Variants in LEPR observed in about 807,000 individuals in gnomAD.
LEPR encodes OB receptor.
In LEPR, 56 loss-of-function variants were observed where a neutral mutation model predicts 114.7. The ratio of observed to expected loss-of-function variants is 0.49; its 90% CI spans 0.39 to 0.61. LEPR has a LOEUF of 0.61. Among genes scored for constraint, LEPR ranks in the 20% least tolerant of loss-of-function variants. LEPR has a pLI of 0.00. For missense variants in LEPR, 1,202 were observed against 1,352.9 expected (o/e 0.89, Z 1.75); for synonymous variants, 443 against 461.4 (o/e 0.96, Z 0.51).
At chr1:65,570,402 C>T in intron 3 of LEPR, 71 bp from the exon 4 acceptor site, 1 of 1,449,862 alleles carries the variant, frequency 6.9e-7, no homozygotes, top group Non-Finnish European at 9.5e-7. Context: ...GGTTTAATCT[C>T]AGATACTTTC....
At chr1:65,590,836 T>C (rs1350232343) in intron 5 of LEPR, among the ~76,000 whole-genome samples, 3 of 151,966 alleles carry the variant, frequency 2.0e-5, no homozygotes, top group African/African-American at 7.2e-5. Flanking sequence ...ATATTCTGAT[T>C]TGATATTTAT....
intron 2 of LEPR, among the ~76,000 whole-genome samples, chr1:65,443,944 C>G: frequency 8.5e-6 from 1 of 117,712 alleles, no homozygotes; most frequent in East Asian, 2.0e-4. Context: ...AGACTAAAGA[C>G]CTGATACTTT....
intron 2 of LEPR, chr1:65,433,852 T>G (rs1646521843): frequency 2.0e-6 from 2 of 985,314 alleles, no homozygotes; most frequent in Non-Finnish European, 2.4e-6. Flanking sequence ...CCTGAAAAGA[T>G]AACAAAAATG....
chr1:65,614,504 A>T (rs938679906), intron 14 of LEPR, among the ~76,000 whole-genome samples: 2 of 152,182 alleles, frequency 1.3e-5, no homozygotes, highest in Non-Finnish European at 2.9e-5. Flanking sequence ...GGCAAAAGAA[A>T]CTGTACATAA....
Position 65,616,001 on chromosome 1 carries a change from A to C in LEPR, c.1996-7A>C. On this transcript the variant is annotated splice_region_variant and splice_polypyrimidine_tract_variant and intron_variant, in intron 14 of 19. Coordinates refer to ENST00000349533, the MANE Select transcript of LEPR (RefSeq NM_002303.6). ...CTTAAACTAATCAATTTCTATATTTACTACAGCCCCTGATGAAAAATGACT... is the reference window on the plus strand; with the variant it reads ...CTTAAACTAATCAATTTCTATATTTCCTACAGCCCCTGATGAAAAATGACT... The C allele has an allele frequency of 6.2e-7, 1 of 1,614,114 alleles. No individual in the cohort carries two copies. Among genetic ancestry groups the C allele is most frequent in the Non-Finnish European group, 8.5e-7 (1 of 1,179,992 alleles).
rs1656431537 is a variant in LEPR at position 65,601,408 on chromosome 1, A to G, written c.1011A>G (p.Pro337=). 2.5e-6 allele frequency: 4 copies of G among 1,613,004 alleles called. No individual in the cohort carries two copies. Among genetic ancestry groups the G allele is most frequent in the Admixed American group, 1.7e-5 (1 of 59,998 alleles). The change falls in exon 9 of 20, where the codon CCA becomes CCG. Residue 337 remains proline, a synonymous_variant. Transcript: ENST00000349533. The part of the protein sequence containing the change: ...VFTTQDVIYF[P]PKILTSVGSN... ...TCATTACAGATGTCATATACTTTCC[A>G]CCTAAAATTCTGACAAGTGTTGGGT...
intron 2 of LEPR, among the ~76,000 whole-genome samples, chr1:65,437,648 A>G (rs1646582602): frequency 6.6e-6 from 1 of 151,986 alleles, no homozygotes; most frequent in Admixed American, 6.5e-5. Flanking sequence ...CCGTCTCCAA[A>G]AAAAGTTTAT....
intron 2 of LEPR, among the ~76,000 whole-genome samples, chr1:65,510,718 G>T (rs563788727): frequency 5.3e-5 from 8 of 152,282 alleles, no homozygotes; most frequent in African/African-American, 1.9e-4. Flanking sequence ...GCTATCCCAC[G>T]TTAGCGGGAA....
At chr1:65,465,668 T>A (rs1647002415) in intron 2 of LEPR, among the ~76,000 whole-genome samples, 1 of 152,144 alleles carries the variant, frequency 6.6e-6, no homozygotes, top group Non-Finnish European at 1.5e-5. Flanking sequence ...CTAAGTCTCT[T>A]TGTAGGTCTC....
intron 17 of LEPR, among the ~76,000 whole-genome samples, chr1:65,620,597 T>C (rs889967632): frequency 6.6e-6 from 1 of 152,134 alleles, no homozygotes; most frequent in South Asian, 2.1e-4. Flanking sequence ...TGTGGCACTT[T>C]AGTTGATAGC....
In LEPR at chr1:65,457,282, GT is replaced by G. The variant is rs547699837; in HGVS notation, c.-21+31909del. ...TCAGTTAAGAATAAGAAAAATAGAA[GT>G]TTTTAATTTTTCCTTCACTTTCTTC... is the stretch of plus-strand genomic sequence containing the variant. On this transcript the variant is annotated intron_variant, in intron 2 of 19. Transcript: ENST00000349533. Among the ~76,000 whole-genome samples the G allele has an allele frequency of 5.4e-3, 821 of 152,270 alleles. 12 individuals are homozygous for G. Among genetic ancestry groups the G allele is most frequent in the African/African-American group, 0.019 (792 of 41,558 alleles).
chr1:65,438,441 T>G (rs1259260680), intron 2 of LEPR, among the ~76,000 whole-genome samples: 4 of 150,128 alleles, frequency 2.7e-5, no homozygotes, highest in African/African-American at 9.8e-5. Context: ...TCCCAGCTAC[T>G]CAGGAGGATG....
At chr1:65,448,380 T>A (rs1196948857) in intron 2 of LEPR, among the ~76,000 whole-genome samples, 1 of 152,238 alleles carries the variant, frequency 6.6e-6, no homozygotes, top group Non-Finnish European at 1.5e-5. Flanking sequence ...TTCCACTTGC[T>A]CATGGTGTAT....
intron 2 of LEPR, chr1:65,429,992 A>G (rs1460496277): frequency 1.9e-6 from 3 of 1,574,708 alleles, no homozygotes; most frequent in Non-Finnish European, 2.6e-6. Context: ...TTTCTTCACT[A>G]CTGGAATTGT....
chr1:65,589,865 A>G (rs1307855635), intron 5 of LEPR, among the ~76,000 whole-genome samples: 3 of 152,030 alleles, frequency 2.0e-5, no homozygotes, highest in Admixed American at 6.6e-5. Context: ...ATTCTTCAAA[A>G]TATGTTCTTC....
chr1:65,592,475 G>T (rs1295474662), intron 5 of LEPR, among the ~76,000 whole-genome samples, 182 bp from the exon 6 acceptor site: 1 of 149,056 alleles, frequency 6.7e-6, no homozygotes, highest in Non-Finnish European at 1.5e-5. Flanking sequence ...TGTTATTCCT[G>T]ATGATTAACC....
At chr1:65,468,434 C>T (rs1209572818) in intron 2 of LEPR, among the ~76,000 whole-genome samples, 2 of 152,184 alleles carry the variant, frequency 1.3e-5, no homozygotes, top group African/African-American at 4.8e-5. Context: ...ACTCTCTTAG[C>T]AACTCTTCTG....
At chr1:65,586,013 C>T (rs1655290253) in intron 5 of LEPR, among the ~76,000 whole-genome samples, 1 of 151,826 alleles carries the variant, frequency 6.6e-6, no homozygotes, top group Non-Finnish European at 1.5e-5. Flanking sequence ...TCTAATTTTC[C>T]ATTTATAAAA....
chr1:65,603,336 C>T (rs967522624), intron 10 of LEPR, among the ~76,000 whole-genome samples: 23 of 143,390 alleles, frequency 1.6e-4, no homozygotes, highest in East Asian at 4.7e-4. Flanking sequence ...TTTTTGCCCA[C>T]GCACCACCAT....
Sources: allele counts gnomAD v4.1 joint callset (sites outside exome capture counted in the v4.1 genomes callset), GRCh38; gene constraint gnomAD v4.1.1; transcripts MANE v1.5; gene names NCBI Gene and HGNC (gene_info 2026-07-23, HGNC 2026-07-21).